PDK1: variants seen among roughly 807,000 people sequenced by gnomAD.
PDK1 encodes the protein [Pyruvate dehydrogenase (acetyl-transferring)] kinase isozyme 1, mitochondrial.
A neutral mutation model predicts 54.2 loss-of-function variants in PDK1; 39 were observed. The ratio of observed to expected loss-of-function variants is 0.72; its 90% CI spans 0.56 to 0.94. The LOEUF is 0.94. PDK1 is among the 40% of genes least tolerant of loss of function. The pLI, the probability that PDK1 is intolerant of heterozygous loss-of-function variation, is 0.00. For synonymous variants in PDK1, 221 were observed against 207.1 expected, an observed-to-expected ratio of 1.07 and a Z score of -0.58; for missense variants, 552 against 566.0, an observed-to-expected ratio of 0.98 and a Z score of 0.25.
downstream of PDK1, among the ~76,000 whole-genome samples, chr2:172,612,740 C>T (rs888919017): frequency 1.3e-5 from 2 of 151,852 alleles, no homozygotes; most frequent in African/African-American, 2.4e-5. Context: ...TGATCTCAGC[C>T]CACTGCAACC....
the PDK1 span, among the ~76,000 whole-genome samples, chr2:172,641,441 ATTT>A: frequency 2.1e-4 from 25 of 119,528 alleles, no homozygotes; most frequent in Admixed American, 3.5e-4. Context: ...TAACTTGTCC[ATTT>A]TTTTTTTTTT....
chr2:172,556,842 G>C (rs146417578), intron 1 of PDK1, among the ~76,000 whole-genome samples: 31 of 152,362 alleles, frequency 2.0e-4, no homozygotes, highest in African/African-American at 5.8e-4. Flanking sequence ...GCTTAAAACT[G>C]TTGGCACCAA....
chr2:172,652,387 C>T, the PDK1 span, among the ~76,000 whole-genome samples: 3 of 152,170 alleles, frequency 2.0e-5, no homozygotes. Flanking sequence ...AAACTGGAAG[C>T]ATTCCCTTTG....
chr2:172,625,933 C>T, the PDK1 span, among the ~76,000 whole-genome samples: 1 of 152,244 alleles, frequency 6.6e-6, no homozygotes, highest in African/African-American at 2.4e-5. Context: ...ACATAAACGT[C>T]ACAAAGATCC....
the PDK1 span, among the ~76,000 whole-genome samples, chr2:172,642,030 A>G: frequency 2.0e-5 from 3 of 152,128 alleles, no homozygotes; most frequent in Non-Finnish European, 2.9e-5. Context: ...TAACAAATCC[A>G]AAAGAAAGTT....
At chr2:172,568,698 C>T (rs2149223270) in intron 6 of PDK1, 43 bp from the exon 7 acceptor site, 1 of 1,152,856 alleles carries the variant, frequency 8.7e-7, no homozygotes, top group Non-Finnish European at 1.3e-6. Context: ...ATGCTTTAAG[C>T]ACATCTCTCT....
In PDK1 at chr2:172,595,848, T is replaced by C. The variant is rs1574540872; in HGVS notation, c.1190T>C (p.Ile397Thr). The C allele has an allele frequency of 6.2e-7, 1 of 1,613,836 alleles. No homozygotes were observed. Residue 397 changes from isoleucine (I) to threonine (T), a missense_variant, in exon 11 of 11, where the codon ATA becomes ACA. By Grantham distance (89) the Ile-to-Thr change is moderately conservative. Coordinates refer to ENST00000282077, the MANE Select transcript of PDK1 (RefSeq NM_002610.5). ...TTTCAGGCTCTGTCAACAGACTCAA[T>C]AGAAAGACTCCCAGTGTATAACAAA... The part of the protein sequence containing the change: ...IYIKALSTDS[I>T]ERLPVYNKAA...
At chr2:172,614,816 C>T in the PDK1 span, among the ~76,000 whole-genome samples, 3 of 152,154 alleles carry the variant, frequency 2.0e-5, no homozygotes, top group Admixed American at 6.5e-5. Context: ...AATTGACACC[C>T]CAGAGATCCT....
the PDK1 span, among the ~76,000 whole-genome samples, chr2:172,697,869 G>A: frequency 6.6e-6 from 1 of 152,274 alleles, no homozygotes; most frequent in Non-Finnish European, 1.5e-5. Flanking sequence ...AAAAATTGCA[G>A]TGTATCCTCA....
the PDK1 span, among the ~76,000 whole-genome samples, chr2:172,623,290 C>G: frequency 2.0e-5 from 3 of 152,170 alleles, no homozygotes; most frequent in African/African-American, 7.2e-5. Flanking sequence ...TGCCTACCCT[C>G]CACTCACAGA....
chr2:172,696,457 A>G, the PDK1 span, among the ~76,000 whole-genome samples: 2,136 of 152,334 alleles, frequency 0.014, 52 homozygotes, highest in African/African-American at 0.048. Context: ...AGAATCCTAT[A>G]TAACAGCCTA....
At chr2:172,662,664 C>G in the PDK1 span, among the ~76,000 whole-genome samples, 2 of 152,046 alleles carry the variant, frequency 1.3e-5, no homozygotes, top group Non-Finnish European at 2.9e-5. Context: ...ATTAAAAATA[C>G]AACCTTAGGA....
At position 172,564,635 on chromosome 2, in the gene PDK1, G is replaced by A. The variant is rs761235077; in HGVS notation, c.543G>A (p.Leu181=). ...PVTSQNVQYF[L]DRFYMSRISI... ...CCAGCCAGAATGTTCAGTACTTTTT[G>A]GATCGATTCTACATGAGTCGCATTT... The change falls in exon 4 of 11, where the codon TTG becomes TTA. Residue 181 remains leucine, a synonymous_variant. Transcript: ENST00000282077. The A allele has an allele frequency of 2.5e-6, 4 of 1,614,044 alleles. No homozygotes were observed. In the South Asian group the frequency reaches 4.4e-5, roughly 18 times the overall value.
At chr2:172,655,860 CA>C in the PDK1 span, among the ~76,000 whole-genome samples, 2 of 152,198 alleles carry the variant, frequency 1.3e-5, no homozygotes, top group Non-Finnish European at 2.9e-5. Context: ...AACTCTTGTC[CA>C]GCATCCTGGG....
the PDK1 span, among the ~76,000 whole-genome samples, chr2:172,709,782 C>T: frequency 1.3e-5 from 2 of 152,176 alleles, no homozygotes; most frequent in Non-Finnish European, 2.9e-5. Flanking sequence ...AGCAACTGAT[C>T]ACATCACTTC....
the PDK1 span, among the ~76,000 whole-genome samples, chr2:172,664,663 A>AATT: frequency 6.6e-6 from 1 of 151,928 alleles, no homozygotes; most frequent in African/African-American, 2.4e-5. Flanking sequence ...ATAACACAGA[A>AATT]ATTATTATTA....
intron 8 of PDK1, among the ~76,000 whole-genome samples, chr2:172,574,399 G>A (rs955545740): frequency 6.6e-6 from 1 of 152,182 alleles, no homozygotes; most frequent in Non-Finnish European, 1.5e-5. Flanking sequence ...TATTTTGGCT[G>A]TTATGGGTTC....
chr2:172,682,551 T>C, the PDK1 span, among the ~76,000 whole-genome samples: 1 of 151,986 alleles, frequency 6.6e-6, no homozygotes, highest in Non-Finnish European at 1.5e-5. Flanking sequence ...ACATTTCCTG[T>C]CCTCCTCTGC....
the PDK1 span, among the ~76,000 whole-genome samples, chr2:172,621,636 T>C: frequency 1.5e-4 from 22 of 146,672 alleles, no homozygotes; most frequent in Non-Finnish European, 2.5e-4. Context: ...ATATCATATG[T>C]TTATATATCA....
Sources: allele counts gnomAD v4.1 joint callset (sites outside exome capture counted in the v4.1 genomes callset), GRCh38; gene constraint gnomAD v4.1.1; transcripts MANE v1.5; gene names NCBI Gene and HGNC (gene_info 2026-07-23, HGNC 2026-07-21).